Variants in CABLES1 observed in about 807,000 individuals in gnomAD.
CABLES1 encodes CDK5 and ABL1 enzyme substrate 1.
A neutral mutation model predicts 57.8 loss-of-function variants in CABLES1; 36 were observed. The observed-to-expected ratio is 0.62, with a 90% CI of 0.48 to 0.82. The LOEUF (loss-of-function observed/expected upper bound fraction) is 0.82, where lower values mean the gene tolerates loss of function less well. CABLES1 is among the 40% of genes least tolerant of loss of function. CABLES1 has a pLI of 0.00. For missense variants in CABLES1, 767 were observed against 836.6 expected (o/e 0.92, Z 1.03); for synonymous variants, 374 against 363.0 (o/e 1.03, Z -0.35).
intron 1 of CABLES1, among the ~76,000 whole-genome samples, chr18:23,177,284 C>A (rs1366366237): frequency 6.6e-6 from 1 of 152,080 alleles, no homozygotes; most frequent in Non-Finnish European, 1.5e-5. Flanking sequence ...TTCTGCTCAG[C>A]CTCTGTCTAA....
chr18:23,135,075 C>G (rs1474082206), upstream of CABLES1, among the ~76,000 whole-genome samples: 1 of 152,220 alleles, frequency 6.6e-6, no homozygotes, highest in Non-Finnish European at 1.5e-5. Context: ...CTCCACATAA[C>G]CGTCCTGTAG....
At position 23,193,208 on chromosome 18, in the gene CABLES1, T is replaced by TTTTTTC. The variant is rs1389702347; in HGVS notation, c.918-1240_918-1239insTTTTTC. On this transcript the variant is annotated intron_variant, in intron 2 of 9. Transcript: ENST00000256925. ...AAAGAATCTTTCTTTTTTTTTTTTT[T>TTTTTTC]CCAGACTGTGTCTCACTCTGTCACC... Among the ~76,000 whole-genome samples the TTTTTTC allele has an allele frequency of 4.0e-5, 6 of 151,698 alleles. No individual in the cohort carries two copies. The South Asian group carries it at 6.2e-4, about 16-fold the overall frequency.
At chr18:23,233,971 C>G (rs928545509) in intron 4 of CABLES1, among the ~76,000 whole-genome samples, 11 of 152,104 alleles carry the variant, frequency 7.2e-5, no homozygotes, top group African/African-American at 2.7e-4. Context: ...AATCCCAGCA[C>G]TTTGGGAGGC....
At chr18:23,136,989 C>T (rs2046827403) in intron 1 of CABLES1, among the ~76,000 whole-genome samples, 1 of 152,238 alleles carries the variant, frequency 6.6e-6, no homozygotes. Flanking sequence ...CTCGGCCGGG[C>T]GCAGAGTGGA....
At chr18:23,137,502 T>G (rs2046830859) in intron 1 of CABLES1, among the ~76,000 whole-genome samples, 1 of 152,160 alleles carries the variant, frequency 6.6e-6, no homozygotes, top group South Asian at 2.1e-4. Flanking sequence ...CCCTTGTTGG[T>G]TAATAAGGCC....
intron 1 of CABLES1, among the ~76,000 whole-genome samples, chr18:23,139,167 C>T (rs879833630): frequency 3.9e-5 from 6 of 151,978 alleles, no homozygotes; most frequent in Non-Finnish European, 5.9e-5. Context: ...TTTGGGAGGC[C>T]GAGGCAGGTG....
chr18:23,155,813 G>T (rs2144967423), intron 1 of CABLES1: 1 of 1,601,468 alleles, frequency 6.2e-7, no homozygotes, highest in Non-Finnish European at 8.5e-7. Flanking sequence ...AACAGTGCTT[G>T]CTTAGCCTCC....
At position 23,136,016 on chromosome 18, in the gene CABLES1, G is replaced by T; in HGVS notation, c.254G>T (p.Trp85Leu). Residue 85 changes from tryptophan (W) to leucine (L), a missense_variant, in exon 1 of 10, where the codon TGG becomes TTG. By Grantham distance (61) the Trp-to-Leu change is moderately conservative. Around this residue, in one of 4 missense-constraint regions of CABLES1, gnomAD observed 198 missense variants for 149.7 expected, o/e 1.32. Coordinates refer to ENST00000256925, the MANE Select transcript of CABLES1 (RefSeq NM_001100619.3). ...DGRLPPQDAE[W>L]GGGEEGGAAK... ...CGGCTGCCGCCGCAGGACGCGGAGTGGGGCGGTGGCGAGGAGGGCGGCGCG... is the reference window on the plus strand; with the variant it reads ...CGGCTGCCGCCGCAGGACGCGGAGTTGGGCGGTGGCGAGGAGGGCGGCGCG... The T allele has an allele frequency of 8.8e-7, 1 of 1,140,508 alleles. No homozygotes were observed. The highest frequency in any genetic ancestry group is 1.1e-6 in the Non-Finnish European group (1 of 930,710). 70.6% of individuals were successfully genotyped at this position (1,140,508 alleles called of 1,614,324 possible). A position where few individuals can be genotyped will look rare whatever the true frequency, so the allele number is the denominator to read the frequency against.
chr18:23,184,638 G>C (rs917825166), intron 1 of CABLES1, among the ~76,000 whole-genome samples: 6 of 152,186 alleles, frequency 3.9e-5, no homozygotes, highest in Non-Finnish European at 8.8e-5. Flanking sequence ...GGGAGGCAGA[G>C]GTTGCAGTGA....
chr18:23,137,361 G>C (rs1463169403), intron 1 of CABLES1, among the ~76,000 whole-genome samples: 1 of 152,214 alleles, frequency 6.6e-6, no homozygotes, highest in African/African-American at 2.4e-5. Flanking sequence ...TCAGGAAATA[G>C]AGTTTGTCAC....
At chr18:23,207,416 A>T (rs1209929511) in intron 3 of CABLES1, among the ~76,000 whole-genome samples, 2 of 152,206 alleles carry the variant, frequency 1.3e-5, no homozygotes, top group African/African-American at 4.8e-5. Context: ...CCGCCAGCAT[A>T]TCTTCTCACT....
At chr18:23,233,273 A>T (rs755299395) in intron 4 of CABLES1, among the ~76,000 whole-genome samples, 85 of 152,304 alleles carry the variant, frequency 5.6e-4, no homozygotes, top group Non-Finnish European at 1.0e-3. Flanking sequence ...GATATGTGGC[A>T]AATTTTAAAA....
At chr18:23,208,448 C>G (rs898358143) in intron 3 of CABLES1, among the ~76,000 whole-genome samples, 5 of 152,216 alleles carry the variant, frequency 3.3e-5, no homozygotes, top group African/African-American at 1.2e-4. Flanking sequence ...GGGGTCAAGT[C>G]CCCTTCTTCC....
intron 1 of CABLES1, among the ~76,000 whole-genome samples, chr18:23,188,442 A>C (rs1315595988): frequency 6.6e-6 from 1 of 152,234 alleles, no homozygotes; most frequent in Non-Finnish European, 1.5e-5. Context: ...TACCGGGTTC[A>C]AATCAGTGAT....
At chr18:23,254,049 C>A in intron 9 of CABLES1, 113 bp downstream of exon 9, 1 of 834,674 alleles carries the variant, frequency 1.2e-6, no homozygotes, top group Non-Finnish European at 2.0e-6. Flanking sequence ...CCTTAGTCAG[C>A]AATTGAGGTG....
chr18:23,238,777 G>GGCT, intron 7 of CABLES1, among the ~76,000 whole-genome samples: 1 of 152,336 alleles, frequency 6.6e-6, no homozygotes, highest in African/African-American at 2.4e-5. Context: ...CTAGTTGATA[G>GGCT]ACAGGAAATG....
At chr18:23,152,037 A>G (rs560577799) in intron 1 of CABLES1, among the ~76,000 whole-genome samples, 1 of 152,312 alleles carries the variant, frequency 6.6e-6, no homozygotes, top group African/African-American at 2.4e-5. Flanking sequence ...TTTCAGGCCT[A>G]TGGACTGATT....
chr18:23,166,798 C>T (rs928852447), intron 1 of CABLES1, among the ~76,000 whole-genome samples: 1 of 152,162 alleles, frequency 6.6e-6, no homozygotes, highest in African/African-American at 2.4e-5. Context: ...TGAGCATCCT[C>T]CCTTGTCGTC....
At chr18:23,168,985 G>A (rs1189693704) in intron 1 of CABLES1, among the ~76,000 whole-genome samples, 2 of 152,216 alleles carry the variant, frequency 1.3e-5, no homozygotes, top group African/African-American at 4.8e-5. Context: ...ACAGGACGAG[G>A]TAGGAGGTCA....
Sources: gnomAD v4.1 joint callset for allele counts (sites outside exome capture counted in the v4.1 genomes callset) on GRCh38, gnomAD v4.1.1 for gene constraint, gnomAD v4.1.1 regional missense constraint, MANE v1.5 for transcripts, NCBI Gene and HGNC (gene_info 2026-07-23, HGNC 2026-07-21) for gene names.